Variants in DMD observed in about 807,000 individuals in gnomAD.
The protein encoded by DMD is mutant dystrophin.
Under a neutral mutation model 330.1 loss-of-function variants are expected in DMD, and 63 were observed. That is an observed-to-expected ratio of 0.19 (90% confidence interval 0.16 to 0.24). DMD has a LOEUF of 0.24. Among genes scored for constraint, DMD ranks in the 10% least tolerant of loss-of-function variants. The pLI is 1.00. For missense variants in DMD, 3,344 were observed against 2,684.1 expected, an observed-to-expected ratio of 1.25 and a Z score of -5.43; for synonymous variants, 1,223 against 959.8, an observed-to-expected ratio of 1.27 and a Z score of -5.07.
At chrX:32,675,192 T>A (rs1187161766) in intron 9 of DMD, among the ~76,000 whole-genome samples, 2 of 111,373 alleles carry the variant, frequency 1.8e-5, no homozygotes, top group African/African-American at 3.3e-5. Context: ...CAAATGGAAT[T>A]TTTAGAAAGG....
chrX:31,398,851 G>A lies in DMD; in HGVS notation c.9084+45630C>T, dbSNP rs765178059. On this transcript the variant is annotated intron_variant, in intron 60 of 78. Transcript: ENST00000357033. Reference sequence around the variant, plus strand: ...AGGAGGATATTTCCCTGATCCCTTCGTGGGTGGGAACTGGAGGGGAGCAAA... The same window carrying A: ...AGGAGGATATTTCCCTGATCCCTTCATGGGTGGGAACTGGAGGGGAGCAAA... 1.5e-4 allele frequency among the ~76,000 whole-genome samples: 17 copies of A among 111,465 alleles called. No individual in the cohort carries two copies. In the South Asian group the frequency reaches 3.1e-3, roughly 20 times the overall value.
At position 32,798,220 on chromosome X, in the gene DMD, G is replaced by A. The variant is rs183990133; in HGVS notation, c.649+11273C>T. The stretch of plus-strand genomic sequence containing the variant: ...TCTGTTGTCTAAGTAGGTGAATTTG[G>A]GACAGTTACATGCAATTATTTGTCA... On this transcript the variant is annotated intron_variant, in intron 7 of 78. Transcript: ENST00000357033. Among the ~76,000 whole-genome samples the A allele has an allele frequency of 5.8e-3, 649 of 111,830 alleles. 2 individuals carry two copies. Among genetic ancestry groups the A allele is most frequent in the Non-Finnish European group, 9.2e-3 (489 of 53,086 alleles).
chrX:32,555,652 T>G (rs187991990), intron 16 of DMD, among the ~76,000 whole-genome samples: 23 of 111,181 alleles, frequency 2.1e-4, no homozygotes, highest in African/African-American at 6.9e-4. Context: ...TGAAACAGAA[T>G]AGAGAACTCA....
In DMD at chrX:32,868,728, G is replaced by A. The variant is rs1310924226; in HGVS notation, c.94-18908C>T. 6.2e-5 allele frequency among the ~76,000 whole-genome samples: 7 copies of A among 112,375 alleles called. 1 individual carries two copies. The South Asian group carries it at 2.5e-3, about 41-fold the overall frequency. On this transcript the variant is annotated intron_variant, in intron 2 of 78. Transcript: ENST00000357033. Reference sequence around the variant, plus strand: ...GGAATTCCAGTAACTCCAGCCAGGGGTTTAGGGAAAGAACTCCGATTCCCC... The same window carrying A: ...GGAATTCCAGTAACTCCAGCCAGGGATTTAGGGAAAGAACTCCGATTCCCC...
intron 36 of DMD, among the ~76,000 whole-genome samples, chrX:32,363,987 T>G (rs964078826): frequency 3.5e-4 from 39 of 111,928 alleles, no homozygotes; most frequent in African/African-American, 1.3e-3. Flanking sequence ...TCTCATACCC[T>G]TTTATCGGAA....
chrX:32,301,222 T>TAAAAAAAAA (rs56329666), intron 42 of DMD, among the ~76,000 whole-genome samples: 8 of 74,619 alleles, frequency 1.1e-4, no homozygotes, highest in African/African-American at 2.0e-4. Flanking sequence ...TGCATACATC[T>TAAAAAAAAA]AAAAAAAAAA....
intron 2 of DMD, among the ~76,000 whole-genome samples, chrX:32,879,773 TCTCTACTTCCATTCC>T (rs1184723774): frequency 9.0e-6 from 1 of 111,548 alleles, no homozygotes; most frequent in Non-Finnish European, 1.9e-5. Context: ...AGACCTTCAA[TCTCTACTTCCATTCC>T]CTCTAACAAA....
At chrX:32,817,760 A>C (rs1455243415) in intron 5 of DMD, among the ~76,000 whole-genome samples, 1 of 112,205 alleles carries the variant, frequency 8.9e-6, no homozygotes, top group East Asian at 2.8e-4. Flanking sequence ...CCTTTGGGGT[A>C]AATGCATATT....
rs959130709 is a variant in DMD at position 31,701,835 on chromosome X, T to C, written c.7661-22249A>G. The stretch of plus-strand genomic sequence containing the variant: ...CAGGCTCCACTCTAGAGCTAATGAA[T>C]CAAAATCTGCATTTTAAAATAAGAT... On this transcript the variant is annotated intron_variant, in intron 52 of 78. Coordinates refer to ENST00000357033, the MANE Select transcript of DMD (RefSeq NM_004006.3). Among the ~76,000 whole-genome samples, 5 of 112,281 alleles carry C rather than the reference T, an allele frequency of 4.5e-5. No individual in the cohort carries two copies. In the East Asian group the frequency reaches 1.4e-3, roughly 31 times the overall value.
At chrX:33,052,636 T>C (rs2094470769) in intron 1 of DMD, among the ~76,000 whole-genome samples, 1 of 111,721 alleles carries the variant, frequency 9.0e-6, no homozygotes, top group South Asian at 3.7e-4. Context: ...CATCAAAAAG[T>C]GCAATAAAAT....
intron 60 of DMD, among the ~76,000 whole-genome samples, chrX:31,442,746 C>T (rs7889104): frequency 0.11 from 12,530 of 110,486 alleles, 1,167 homozygotes; most frequent in African/African-American, 0.31. Flanking sequence ...TATTACTTTC[C>T]TTATTTATAC....
At chrX:32,679,312 A>G (rs1175226061) in intron 9 of DMD, among the ~76,000 whole-genome samples, 1 of 111,053 alleles carries the variant, frequency 9.0e-6, no homozygotes. Context: ...GAAAAACAAT[A>G]GAAAATAGTA....
intron 12 of DMD, 72 bp downstream of exon 12, chrX:32,614,231 T>G (rs75405561): frequency 1.0e-6 from 1 of 998,667 alleles, no homozygotes; most frequent in Non-Finnish European, 1.4e-6. Context: ...ATGTCATCTG[T>G]GTTACTGTGT....
intron 6 of DMD, among the ~76,000 whole-genome samples, chrX:32,812,135 T>C (rs981906576): frequency 5.4e-5 from 6 of 111,152 alleles, no homozygotes; most frequent in Non-Finnish European, 1.1e-4. Context: ...CCTTTGAGAA[T>C]CTGTTGAGAG....
At chrX:31,396,761 G>A (rs904291752) in intron 60 of DMD, among the ~76,000 whole-genome samples, 8 of 111,328 alleles carry the variant, frequency 7.2e-5, no homozygotes, top group Admixed American at 3.8e-4. Flanking sequence ...ATAGCTACAC[G>A]TGTATTTCTA....
chrX:31,354,360 C>T (rs1053166621), intron 60 of DMD, among the ~76,000 whole-genome samples: 2 of 110,295 alleles, frequency 1.8e-5, no homozygotes, highest in African/African-American at 6.6e-5. Flanking sequence ...GAAAAACTTC[C>T]CTCCCTCCCT....
At chrX:31,434,590 C>T (rs895460054) in intron 60 of DMD, among the ~76,000 whole-genome samples, 9 of 111,180 alleles carry the variant, frequency 8.1e-5, no homozygotes, top group African/African-American at 2.9e-4. Context: ...ACCATAACCT[C>T]CATGAGGGCA....
chrX:31,680,832 G>A (rs1476745450), intron 52 of DMD, among the ~76,000 whole-genome samples: 1 of 111,572 alleles, frequency 9.0e-6, no homozygotes, highest in Admixed American at 9.5e-5. Context: ...AAAATAAACA[G>A]GACTACATTA....
rs539692072 is a variant in DMD, at chrX:32,690,056, C to T, written c.960+7814G>A. Reference sequence around the variant, plus strand: ...CCGATGGCAATACTGGAAGTCCTTGCTAGAATAATTAGGCAAAAAAAAAAA... The same window carrying T: ...CCGATGGCAATACTGGAAGTCCTTGTTAGAATAATTAGGCAAAAAAAAAAA... On this transcript the variant is annotated intron_variant, in intron 9 of 78. Coordinates refer to ENST00000357033, the MANE Select transcript of DMD (RefSeq NM_004006.3). Among the ~76,000 whole-genome samples, 37 of 104,048 alleles carry T rather than the reference C, an allele frequency of 3.6e-4. No individual in the cohort carries two copies. The South Asian group carries it at 9.7e-3, about 27-fold the overall frequency. 90.4% of individuals were successfully genotyped at this position (104,048 alleles called of 115,157 possible).
Sources: allele counts gnomAD v4.1 joint callset (sites outside exome capture counted in the v4.1 genomes callset), GRCh38; gene constraint gnomAD v4.1.1; transcripts MANE v1.5; gene names NCBI Gene and HGNC (gene_info 2026-07-23, HGNC 2026-07-21).